LEPR: variants seen among roughly 807,000 people sequenced by gnomAD.
The protein encoded by LEPR is leptin receptor.
Under a neutral mutation model 114.7 loss-of-function variants are expected in LEPR, and 56 were observed. The ratio of observed to expected loss-of-function variants is 0.49; its 90% CI spans 0.39 to 0.61. The LOEUF is 0.61. LEPR is among the 20% of genes least tolerant of loss of function. The pLI, the probability that LEPR is intolerant of heterozygous loss-of-function variation, is 0.00. For missense variants in LEPR, 1,202 were observed against 1,352.9 expected (o/e 0.89, Z 1.75); for synonymous variants, 443 against 461.4 (o/e 0.96, Z 0.51).
chr1:65,588,123 A>G (rs900420631), intron 5 of LEPR, among the ~76,000 whole-genome samples: 2 of 151,754 alleles, frequency 1.3e-5, no homozygotes, highest in African/African-American at 4.8e-5. Context: ...GTTACTCCAC[A>G]CTCTTCTCCC....
intron 2 of LEPR, chr1:65,433,355 A>G (rs1646514850): frequency 1.0e-6 from 1 of 985,322 alleles, no homozygotes; most frequent in Admixed American, 6.1e-5. Context: ...CCTTAAATGA[A>G]TCATTGGGTA....
chr1:65,458,848 A>C (rs1646910169), intron 2 of LEPR, among the ~76,000 whole-genome samples: 1 of 151,982 alleles, frequency 6.6e-6, no homozygotes, highest in Admixed American at 6.6e-5. Context: ...AGTGTTCCAC[A>C]GTTCTTGGAT....
chr1:65,438,754 C>T (rs1022423647), intron 2 of LEPR, among the ~76,000 whole-genome samples: 1 of 151,486 alleles, frequency 6.6e-6, no homozygotes, highest in Non-Finnish European at 1.5e-5. Context: ...CTGAATTTAT[C>T]CTCATGCAGG....
chr1:65,586,364 G>A (rs1218343129), intron 5 of LEPR, among the ~76,000 whole-genome samples: 2 of 151,848 alleles, frequency 1.3e-5, no homozygotes, highest in Non-Finnish European at 2.9e-5. Flanking sequence ...CTCTATTTTT[G>A]TGTCCTTTGC....
chr1:65,572,290 GTTTTTTTTTTTTT>G (rs747467075), intron 4 of LEPR, 23 bp from the exon 5 acceptor site: 11 of 798,590 alleles, frequency 1.4e-5, no homozygotes, highest in East Asian at 1.4e-4. Context: ...TCATGTAGTT[GTTTTTTTTTTTTT>G]TTTTTTTTTT....
At chr1:65,544,955 A>C (rs1260628165) in intron 2 of LEPR, among the ~76,000 whole-genome samples, 13 of 140,590 alleles carry the variant, frequency 9.2e-5, no homozygotes, top group South Asian at 2.3e-4. Flanking sequence ...ATCCCTCCCC[A>C]CTCCCCCCAC....
chr1:65,454,634 G>A (rs1157100679), intron 2 of LEPR, among the ~76,000 whole-genome samples: 2 of 152,138 alleles, frequency 1.3e-5, no homozygotes, highest in African/African-American at 4.8e-5. Context: ...GGCTTGTAGG[G>A]TTTCTGCCGA....
intron 5 of LEPR, among the ~76,000 whole-genome samples, chr1:65,590,258 T>TGGCCGGG (rs1553168837): frequency 6.8e-6 from 1 of 147,150 alleles, no homozygotes; most frequent in African/African-American, 2.5e-5. Context: ...TTATTCATAT[T>TGGCCGGG]TCCTTATTAT....
chr1:65,613,723 G>A (rs1489798612), intron 14 of LEPR, among the ~76,000 whole-genome samples: 2 of 44,890 alleles, frequency 4.5e-5, no homozygotes, highest in African/African-American at 1.2e-4. Flanking sequence ...ATTGCAGTCC[G>A]CAGTCCGGCC....
chr1:65,627,680 A>G (rs1557705163), intron 19 of LEPR, among the ~76,000 whole-genome samples: 2 of 152,220 alleles, frequency 1.3e-5, no homozygotes, highest in Non-Finnish European at 2.9e-5. Context: ...AGTATTATTC[A>G]TAATAGCCAA....
rs1313577209 is a variant in LEPR at position 65,560,130 on chromosome 1, A to G, written c.-20-5416A>G. On this transcript the variant is annotated intron_variant, in intron 2 of 19. Transcript: ENST00000349533. Reference sequence around the variant, plus strand: ...GATGGGGATGGCATTGAATCTGTAAATGACCTTGGGCAGTATGGCCATTTT... The same window carrying G: ...GATGGGGATGGCATTGAATCTGTAAGTGACCTTGGGCAGTATGGCCATTTT... Among the ~76,000 whole-genome samples, 37 of 125,136 alleles carry G rather than the reference A, an allele frequency of 3.0e-4. 4 individuals are homozygous for G. In the South Asian group the frequency reaches 0.011, roughly 36 times the overall value. 82.1% of individuals were successfully genotyped at this position (125,136 alleles called of 152,430 possible).
At chr1:65,630,401 A>C in intron 19 of LEPR, 1 of 139,014 alleles carries the variant, frequency 7.2e-6, no homozygotes, top group Non-Finnish European at 1.5e-5. Flanking sequence ...AACACCCAAG[A>C]ATGATCAATA....
At chr1:65,425,809 T>A (rs1646351095) in intron 2 of LEPR, among the ~76,000 whole-genome samples, 1 of 152,190 alleles carries the variant, frequency 6.6e-6, no homozygotes, top group African/African-American at 2.4e-5. Flanking sequence ...AGGTTGTATC[T>A]GAGCCAAGAC....
chr1:65,448,975 C>T (rs1048406327), intron 2 of LEPR, among the ~76,000 whole-genome samples: 1 of 152,164 alleles, frequency 6.6e-6, no homozygotes, highest in East Asian at 1.9e-4. Context: ...CTCACTGCAA[C>T]CTCCACCTCC....
At chr1:65,610,595 A>G (rs146500017) in intron 14 of LEPR, among the ~76,000 whole-genome samples, 2 of 152,320 alleles carry the variant, frequency 1.3e-5, no homozygotes, top group East Asian at 3.9e-4. Context: ...GTAATATTGA[A>G]CTAGATGATA....
chr1:65,484,194 A>T (rs1388879548), intron 2 of LEPR, among the ~76,000 whole-genome samples: 1 of 152,048 alleles, frequency 6.6e-6, no homozygotes, highest in African/African-American at 2.4e-5. Flanking sequence ...TCCGTCCACT[A>T]GGCTACTATT....
At chr1:65,602,736 A>G (rs1177653205) in intron 10 of LEPR, among the ~76,000 whole-genome samples, 1 of 152,160 alleles carries the variant, frequency 6.6e-6, no homozygotes, top group Admixed American at 6.5e-5. Context: ...TAAATTTTCA[A>G]CTAGAAAAAT....
intron 2 of LEPR, among the ~76,000 whole-genome samples, chr1:65,425,653 G>A (rs1030537654): frequency 6.8e-6 from 1 of 147,594 alleles, no homozygotes; most frequent in African/African-American, 2.5e-5. Context: ...CAAAGAGGAG[G>A]TAAAGTTCTA....
chr1:65,485,459 C>T (rs1296883525), intron 2 of LEPR, among the ~76,000 whole-genome samples: 1 of 152,070 alleles, frequency 6.6e-6, no homozygotes, highest in African/African-American at 2.4e-5. Flanking sequence ...TGTGGTGGGC[C>T]CCAAAGTCTG....
Sources: gnomAD v4.1 joint callset for allele counts (sites outside exome capture counted in the v4.1 genomes callset) on GRCh38, gnomAD v4.1.1 for gene constraint, MANE v1.5 for transcripts, NCBI Gene and HGNC (gene_info 2026-07-23, HGNC 2026-07-21) for gene names.